Variants in CAP2 observed in about 807,000 individuals in gnomAD.
CAP2 encodes the protein cyclase associated actin cytoskeleton regulatory protein 2.
A neutral mutation model predicts 57.7 loss-of-function variants in CAP2; 24 were observed. That is an observed-to-expected ratio of 0.42 (90% CI 0.30 to 0.58). The LOEUF (loss-of-function observed/expected upper bound fraction) is 0.58. CAP2 is among the 20% of genes least tolerant of loss of function. The pLI, the probability that CAP2 is intolerant of heterozygous loss-of-function variation, is 0.22. For synonymous variants in CAP2, 194 were observed against 207.2 expected, an observed-to-expected ratio of 0.94 and a Z score of 0.55; for missense variants, 501 against 590.3, an observed-to-expected ratio of 0.85 and a Z score of 1.57.
chr6:17,520,340 G>T (rs567643274), intron 7 of CAP2, among the ~76,000 whole-genome samples: 7 of 152,188 alleles, frequency 4.6e-5, no homozygotes, highest in Admixed American at 1.3e-4. Context: ...AAACTCCTGG[G>T]CTCAAGTGAT....
At chr6:17,473,242 C>G (rs1441610836) in intron 4 of CAP2, among the ~76,000 whole-genome samples, 1 of 152,156 alleles carries the variant, frequency 6.6e-6, no homozygotes, top group Non-Finnish European at 1.5e-5. Context: ...GTTAGAATTC[C>G]AGACTGCCTT....
At chr6:17,446,841 A>T (rs1430358264) in intron 3 of CAP2, among the ~76,000 whole-genome samples, 1 of 152,212 alleles carries the variant, frequency 6.6e-6, no homozygotes, top group Non-Finnish European at 1.5e-5. Flanking sequence ...GGTGTGACCA[A>T]TCCTGCACAG....
intron 4 of CAP2, among the ~76,000 whole-genome samples, chr6:17,483,032 C>T (rs1446134177): frequency 2.0e-5 from 3 of 152,260 alleles, no homozygotes; most frequent in African/African-American, 7.2e-5. Flanking sequence ...TCTTCTCTCT[C>T]TCTCTTTGGA....
intron 4 of CAP2, among the ~76,000 whole-genome samples, chr6:17,468,810 T>C (rs1760940283): frequency 1.3e-5 from 2 of 152,210 alleles, no homozygotes. Flanking sequence ...GGAAGTATGT[T>C]ATTTCTAGTT....
At chr6:17,418,670 T>A (rs1759351488) in intron 1 of CAP2, among the ~76,000 whole-genome samples, 2 of 125,340 alleles carry the variant, frequency 1.6e-5, no homozygotes, top group Admixed American at 1.4e-4. Context: ...AAAGCAAACA[T>A]TTTTTTTTTC....
At chr6:17,497,101 CAGA>C (rs1425178272) in intron 4 of CAP2, among the ~76,000 whole-genome samples, 5 of 152,184 alleles carry the variant, frequency 3.3e-5, no homozygotes, top group Admixed American at 2.0e-4. Flanking sequence ...AATTGCAGTT[CAGA>C]AGAATTTTTT....
At position 17,421,693 on chromosome 6, in the gene CAP2, T is replaced by G; in HGVS notation, c.121+17T>G. Reference sequence around the variant, plus strand: ...TCATTGCAGGTAGGGTCACAAACTGTTGTCATTCCTGGTCTTCTTGTGGGT... The same window carrying G: ...TCATTGCAGGTAGGGTCACAAACTGGTGTCATTCCTGGTCTTCTTGTGGGT... On this transcript the variant is annotated intron_variant, in intron 2 of 12. Transcript: ENST00000229922. 1 of 1,613,964 alleles carries G rather than the reference T, an allele frequency of 6.2e-7. No individual in the cohort carries two copies. The highest frequency in any genetic ancestry group is 8.5e-7 in the Non-Finnish European group (1 of 1,179,836).
At chr6:17,551,651 T>C (rs776795141) in intron 12 of CAP2, 47 bp downstream of exon 12, 65 of 1,437,256 alleles carry the variant, frequency 4.5e-5, no homozygotes, top group Non-Finnish European at 5.9e-5. Flanking sequence ...GGAGCCTTCA[T>C]TATTAACATT....
At chr6:17,431,337 A>T (rs1196345114) in intron 3 of CAP2, among the ~76,000 whole-genome samples, 1 of 152,168 alleles carries the variant, frequency 6.6e-6, no homozygotes, top group Non-Finnish European at 1.5e-5. Flanking sequence ...AAAAAAAATA[A>T]TTTTTATTAA....
intron 3 of CAP2, among the ~76,000 whole-genome samples, chr6:17,457,779 T>C (rs1213405670): frequency 1.3e-5 from 2 of 152,240 alleles, no homozygotes; most frequent in Non-Finnish European, 2.9e-5. Flanking sequence ...AAAATTGCTC[T>C]ATTAGCAACA....
rs558107473 is a variant in CAP2, at chr6:17,557,294, G to A, written c.*852G>A. 7 of 152,080 alleles carry A rather than the reference G, an allele frequency of 4.6e-5. No homozygotes were observed. In the South Asian group the frequency reaches 1.5e-3, roughly 32 times the overall value. 9.4% of individuals were successfully genotyped at this position (152,080 alleles called of 1,614,324 possible). Reference sequence around the variant, plus strand: ...ATTATGTCTTTAACGTTTTCTTATAGACTAATTTCCTCTTTTCCACCTGCC... The same window carrying A: ...ATTATGTCTTTAACGTTTTCTTATAAACTAATTTCCTCTTTTCCACCTGCC... On this transcript the variant is annotated 3_prime_UTR_variant, in exon 13 of 13. Coordinates refer to ENST00000229922, the MANE Select transcript of CAP2 (RefSeq NM_006366.3).
chr6:17,418,671 T>A (rs1759351719), intron 1 of CAP2, among the ~76,000 whole-genome samples: 1 of 151,508 alleles, frequency 6.6e-6, no homozygotes, highest in Non-Finnish European at 1.5e-5. Flanking sequence ...AAGCAAACAT[T>A]TTTTTTTTCT....
intron 4 of CAP2, among the ~76,000 whole-genome samples, chr6:17,484,732 G>A (rs1761379527): frequency 6.6e-6 from 1 of 152,184 alleles, no homozygotes. Context: ...GACAGTGGCA[G>A]ATTTGTCTTA....
intron 4 of CAP2, among the ~76,000 whole-genome samples, chr6:17,489,868 C>A (rs944770207): frequency 2.0e-5 from 3 of 151,822 alleles, no homozygotes; most frequent in African/African-American, 7.3e-5. Flanking sequence ...TTAGCCAGAT[C>A]TTGAGTTCTC....
intron 9 of CAP2, among the ~76,000 whole-genome samples, chr6:17,541,589 G>A (rs1316272561): frequency 6.6e-6 from 1 of 151,954 alleles, no homozygotes; most frequent in African/African-American, 2.4e-5. Context: ...CAAAAAAAAA[G>A]AATGGGTAAT....
chr6:17,463,064 A>G lies in CAP2; in HGVS notation c.291A>G (p.Gln97=). Reference sequence around the variant, plus strand: ...TTCTGATGGCCTCTCAGTACCAACAACCCCACGAGGTAAGAGAGTGTCCTG... The same window carrying G: ...TTCTGATGGCCTCTCAGTACCAACAGCCCCACGAGGTAAGAGAGTGTCCTG... ...AFLLMASQYQ[Q]PHENDVAALL... Residue 97 remains glutamine (Q), a synonymous_variant, in exon 4 of 13, where the codon CAA becomes CAG. Transcript: ENST00000229922. The G allele has an allele frequency of 6.2e-7, 1 of 1,612,504 alleles. No homozygotes were observed. The highest frequency in any genetic ancestry group is 1.1e-5 in the South Asian group (1 of 91,012).
chr6:17,543,023 G>T, intron 10 of CAP2, 38 bp from the exon 11 acceptor site: 3 of 1,612,344 alleles, frequency 1.9e-6, no homozygotes, highest in Admixed American at 1.7e-5. Flanking sequence ...TATGTATTTA[G>T]TGGAGTTGGT....
chr6:17,517,611 G>A (rs1436061808), intron 7 of CAP2, among the ~76,000 whole-genome samples: 2 of 152,076 alleles, frequency 1.3e-5, no homozygotes, highest in African/African-American at 4.8e-5. Flanking sequence ...TTTTTAAAAT[G>A]TGTTATAAGC....
intron 7 of CAP2, among the ~76,000 whole-genome samples, chr6:17,520,224 C>T (rs1357122538): frequency 6.6e-6 from 1 of 152,164 alleles, no homozygotes; most frequent in Non-Finnish European, 1.5e-5. Context: ...CCTCCTGCCT[C>T]AGCCTCCTAA....
Sources: gnomAD v4.1 joint callset for allele counts (sites outside exome capture counted in the v4.1 genomes callset) on GRCh38, gnomAD v4.1.1 for gene constraint, MANE v1.5 for transcripts, NCBI Gene and HGNC (gene_info 2026-07-23, HGNC 2026-07-21) for gene names.